KRT24: variants seen among roughly 807,000 people sequenced by gnomAD.
KRT24 encodes the protein keratin 24.
Under a neutral mutation model 51.7 loss-of-function variants are expected in KRT24, and 44 were observed. The observed-to-expected ratio is 0.85, with a 90% CI of 0.67 to 1.09. The LOEUF (loss-of-function observed/expected upper bound fraction) is 1.09. Among genes scored for constraint, KRT24 ranks in the 50% least tolerant of loss-of-function variants. The probability of loss-of-function intolerance (pLI) is 0.00; values close to 1 mark genes in which losing one functional copy is unlikely to be tolerated. For synonymous variants in KRT24, 241 were observed against 249.5 expected (o/e 0.97, Z 0.32); for missense variants, 633 against 647.0 (o/e 0.98, Z 0.24).
intron 5 of KRT24, 42 bp from the exon 6 acceptor site, chr17:40,699,703 T>A (rs1357948550): frequency 1.3e-6 from 2 of 1,546,720 alleles, no homozygotes; most frequent in Admixed American, 1.7e-5. Context: ...TGAAAATAAA[T>A]CATTGGATGA....
In KRT24 at chr17:40,701,887, T is replaced by C. The variant is rs758147644; in HGVS notation, c.662A>G (p.Asp221Gly). 8 of 1,542,792 alleles carry C rather than the reference T, an allele frequency of 5.2e-6. No individual in the cohort carries two copies. The highest frequency in any genetic ancestry group is 4.4e-6 in the Non-Finnish European group (5 of 1,137,566). The change falls in exon 2 of 8, where the codon GAC becomes GGC. Residue 221 changes from aspartate (D) to glycine (G), a missense_variant. Transcript: ENST00000264651. ...GTCATCAGCAGCCAATCTGGCATTG[T>C]CAATGTGCAAAATGATCCCAGCATT... Reference protein sequence around the residue: ...VENAGIILHIDNARLAADDFR... With the variant: ...VENAGIILHIGNARLAADDFR...
Position 40,703,222 on chromosome 17 carries a change from C to T in KRT24, c.472G>A (p.Val158Ile), listed in dbSNP as rs758526447. 1.2e-5 allele frequency: 20 copies of T among 1,614,122 alleles called. No homozygotes were observed. The highest frequency in any genetic ancestry group is 1.5e-5 in the Non-Finnish European group (18 of 1,180,020). ...GTGTTAGCCTCCTCCAGGGCTCTGA[C>T]CTTGTCTAGGTAATTGGCCAAGCGG... ...NDRLANYLDK[V>I]RALEEANTDL... Residue 158 changes from valine to isoleucine, a missense_variant, in exon 1 of 8, where the codon GTC becomes ATC. By Grantham distance (29) the Val-to-Ile change is conservative. Coordinates refer to ENST00000264651, the MANE Select transcript of KRT24 (RefSeq NM_019016.3).
rs751630576 is a variant in KRT24, at chr17:40,700,234, C to T, written c.1005G>A (p.Arg335=). 1.2e-6 allele frequency: 2 copies of T among 1,614,070 alleles called. No homozygotes were observed. The highest frequency in any genetic ancestry group is 3.3e-5 in the Admixed American group (2 of 60,020). ...AGAGAGGATCTACCTGCTTGTTGAA[C>T]CGCTCCTCAGCCTCTCGGCGGTTTT... is the stretch of plus-strand genomic sequence containing the variant. ...AEQNRREAEE[R]FNKQSASLQA... is the part of the protein sequence containing the mutation. The change falls in exon 4 of 8, where the codon CGG becomes CGA. Residue 335 remains arginine, a synonymous_variant. Coordinates refer to ENST00000264651, the MANE Select transcript of KRT24 (RefSeq NM_019016.3).
chr17:40,698,903 G>T (rs140328974), intron 6 of KRT24, among the ~76,000 whole-genome samples: 56 of 146,394 alleles, frequency 3.8e-4, no homozygotes, highest in Middle Eastern at 7.1e-3. Context: ...TTGAGACAAG[G>T]TCTCGTTCTA....
At chr17:40,698,749 A>G (rs2037638430) in intron 6 of KRT24, 99 bp from the exon 7 acceptor site, 3 of 710,062 alleles carry the variant, frequency 4.2e-6, no homozygotes, top group South Asian at 1.7e-5. Context: ...GGATGTGTTT[A>G]TGTGTTTTAA....
At chr17:40,701,990 T>C (rs2037689274) in intron 1 of KRT24, 57 bp from the exon 2 acceptor site, 2 of 869,564 alleles carry the variant, frequency 2.3e-6, no homozygotes, top group South Asian at 1.6e-5. Context: ...TGTGTCTGCA[T>C]GCCTACTTGT....
intron 6 of KRT24, among the ~76,000 whole-genome samples, chr17:40,698,871 G>C (rs1306832455): frequency 1.5e-5 from 2 of 134,256 alleles, no homozygotes; most frequent in Non-Finnish European, 3.1e-5. Flanking sequence ...ACCATGCCCA[G>C]CTAATTTTTT....
At chr17:40,698,396 A>G in intron 7 of KRT24, 56 bp from the exon 8 acceptor site, 3 of 1,286,464 alleles carry the variant, frequency 2.3e-6, no homozygotes, top group Non-Finnish European at 2.3e-6. Context: ...AACACAGAGC[A>G]AGAGAAATTC....
At chr17:40,699,729 A>C in intron 5 of KRT24, 68 bp from the exon 6 acceptor site, 1 of 1,380,036 alleles carries the variant, frequency 7.2e-7, no homozygotes, top group Non-Finnish European at 1.0e-6. Context: ...TAAAAATGCA[A>C]TTTTATGTGG....
Position 40,701,878 on chromosome 17 carries a change from C to G in KRT24, c.671G>C (p.Arg224Thr). 1 of 1,491,998 alleles carries G rather than the reference C, an allele frequency of 6.7e-7. No homozygotes were observed. The highest frequency in any genetic ancestry group is 9.0e-7 in the Non-Finnish European group (1 of 1,113,248). The allele number at this position is 1,491,998 out of a possible 1,614,324, so 92.4% of individuals were successfully genotyped here. A position where few individuals can be genotyped will look rare whatever the true frequency, so the allele number is the denominator to read the frequency against. The change falls in exon 2 of 8, where the codon AGA becomes ACA. Residue 224 changes from arginine to threonine, a missense_variant. By Grantham distance (71) the Arg-to-Thr change is moderately conservative (BLOSUM62 -1). Transcript: ENST00000264651. ...AGIILHIDNA[R>T]LAADDFRLKY... The stretch of plus-strand genomic sequence containing the variant: ...CAGTCTGAAGTCATCAGCAGCCAAT[C>G]TGGCATTGTCAATGTGCAAAATGAT...
chr17:40,700,442 A>G (rs772222212), intron 3 of KRT24, 59 bp from the exon 4 acceptor site: 8 of 1,338,952 alleles, frequency 6.0e-6, no homozygotes, highest in Non-Finnish European at 8.4e-6. Flanking sequence ...ACTTCCGAAA[A>G]TGTGCCTAGA....
rs753715066 is a variant in KRT24, at chr17:40,700,222, C to T, written c.1017G>A (p.Gln339=). ...RREAEERFNK[Q]SASLQAQIST... ...TAGGTGCTCAGCAGAGAGGATCTAC[C>T]TGCTTGTTGAACCGCTCCTCAGCCT... The change falls in exon 4 of 8, where the codon CAG becomes CAA. Residue 339 remains glutamine, a splice_region_variant and synonymous_variant. Coordinates refer to ENST00000264651, the MANE Select transcript of KRT24 (RefSeq NM_019016.3). 3.1e-6 allele frequency: 5 copies of T among 1,613,922 alleles called. No homozygotes were observed. The Admixed American group carries it at 6.7e-5, about 22-fold the overall frequency.
At position 40,698,322 on chromosome 17, in the gene KRT24, A is replaced by T; in HGVS notation, c.1493T>A (p.Val498Glu). 1 of 1,610,452 alleles carries T rather than the reference A, an allele frequency of 6.2e-7. No homozygotes were observed. The highest frequency in any genetic ancestry group is 8.5e-7 in the Non-Finnish European group (1 of 1,176,884). Residue 498 changes from valine to glutamate, a missense_variant, in exon 8 of 8, where the codon GTG (valine) becomes GAG (glutamate). Transcript: ENST00000264651. ...GQGRDSSKTRVTKTIVEELVD... is the reference protein window; with the variant it reads ...GQGRDSSKTRETKTIVEELVD... The stretch of plus-strand genomic sequence containing the variant: ...CAACTCCTCTACGATAGTCTTAGTC[A>T]CTCTAGTCTTGCTTGAATCTGAAAA...
At chr17:40,698,679 T>G in intron 6 of KRT24, 29 bp from the exon 7 acceptor site, 3 of 1,189,048 alleles carry the variant, frequency 2.5e-6, no homozygotes, top group Non-Finnish European at 3.7e-6. Flanking sequence ...ATGTTTTCCT[T>G]TGCAGTTTGC....
chr17:40,701,750 TA>T (rs1335001017), intron 2 of KRT24, 100 bp downstream of exon 2: 695 of 42,730 alleles, frequency 0.016, 54 homozygotes, highest in Middle Eastern at 0.062. Flanking sequence ...TATATATATA[TA>T]TATATATATA....
At position 40,703,589 on chromosome 17, in the gene KRT24, C is replaced by A; in HGVS notation, c.105G>T (p.Leu35=). Residue 35 remains leucine (L), a synonymous_variant, in exon 1 of 8, where the codon CTG becomes CTT. Coordinates refer to ENST00000264651, the MANE Select transcript of KRT24 (RefSeq NM_019016.3). ...SSFSSGSRCG[L]GGSSAQGFRG... ...GGAAGCCCTGGGCCGAGCTGCCCCC[C>A]AGACCACATCTGCTTCCACTGCTGA... The A allele has an allele frequency of 6.2e-7, 1 of 1,613,460 alleles. No individual in the cohort carries two copies. Among genetic ancestry groups the A allele is most frequent in the Non-Finnish European group, 8.5e-7 (1 of 1,179,814 alleles).
chr17:40,702,038 TG>T, intron 1 of KRT24, 105 bp from the exon 2 acceptor site: 2 of 451,860 alleles, frequency 4.4e-6, no homozygotes, highest in African/African-American at 4.0e-5. Flanking sequence ...CTCTTTTTTT[TG>T]TGTGTGTGTA....
intron 3 of KRT24, 111 bp from the exon 4 acceptor site, chr17:40,700,494 A>G: frequency 1.3e-6 from 1 of 776,268 alleles, no homozygotes; most frequent in Non-Finnish European, 2.1e-6. Context: ...GAAAAAAAAA[A>G]AATCAAATCT....
In KRT24 at chr17:40,700,136, A is replaced by G. The variant is rs530427640; in HGVS notation, c.1018-13T>C. ...GTAGTGATGCGCTCTAAATACAAAC[A>G]TAATGCAGCTGTTGTAGGCTGATGA... On this transcript the variant is annotated splice_polypyrimidine_tract_variant and intron_variant, in intron 4 of 7. Transcript: ENST00000264651. 4 of 1,614,154 alleles carry G rather than the reference A, an allele frequency of 2.5e-6. No homozygotes were observed. The highest frequency in any genetic ancestry group is 4.5e-5 in the East Asian group (2 of 44,878).
Sources: gnomAD v4.1 joint callset for allele counts (sites outside exome capture counted in the v4.1 genomes callset) on GRCh38, gnomAD v4.1.1 for gene constraint, MANE v1.5 for transcripts, NCBI Gene and HGNC (gene_info 2026-07-23, HGNC 2026-07-21) for gene names.